RASAL2: variants seen among roughly 807,000 people sequenced by gnomAD.
RASAL2 encodes the protein RAS protein activator like 2, also known as ras GTPase-activating protein nGAP.
In RASAL2, 58 loss-of-function variants were observed where a neutral mutation model predicts 128.9. That is an observed-to-expected ratio of 0.45 (90% CI 0.36 to 0.56). The LOEUF is 0.56. Ranked by LOEUF, RASAL2 falls within the 20% of genes least tolerant of loss-of-function variation. RASAL2 has a pLI of 0.00. For missense variants in RASAL2, 1,360 were observed against 1,601.6 expected (o/e 0.85, Z 2.57); for synonymous variants, 561 against 580.8 (o/e 0.97, Z 0.49).
At chr1:178,405,074 T>A (rs1487444184) in intron 4 of RASAL2, among the ~76,000 whole-genome samples, 2 of 152,112 alleles carry the variant, frequency 1.3e-5, no homozygotes, top group African/African-American at 4.8e-5. Context: ...GTTGGCAAGG[T>A]TGTGGGAAAC....
chr1:178,440,410 A>G (rs1676555722), intron 6 of RASAL2, among the ~76,000 whole-genome samples: 1 of 152,096 alleles, frequency 6.6e-6, no homozygotes, highest in Non-Finnish European at 1.5e-5. Context: ...CATGTTCACT[A>G]TCAGAGAAAT....
chr1:178,422,090 C>T (rs980537230), intron 5 of RASAL2, among the ~76,000 whole-genome samples: 2 of 151,924 alleles, frequency 1.3e-5, no homozygotes, highest in Non-Finnish European at 2.9e-5. Context: ...ATTTCTTAAA[C>T]TCTGCAGCAT....
chr1:178,455,276 AT>A (rs1677688501), intron 12 of RASAL2, among the ~76,000 whole-genome samples: 1 of 152,222 alleles, frequency 6.6e-6, no homozygotes, highest in Non-Finnish European at 1.5e-5. Context: ...ACAAAAAGGA[AT>A]AGATTTGGTA....
chr1:178,324,826 G>A (rs1668959519), intron 3 of RASAL2, among the ~76,000 whole-genome samples: 1 of 152,022 alleles, frequency 6.6e-6, no homozygotes, highest in South Asian at 2.1e-4. Context: ...AATCAGATTG[G>A]TGGAAAATCT....
At chr1:178,203,850 A>T (rs1662954252) in intron 1 of RASAL2, among the ~76,000 whole-genome samples, 1 of 152,320 alleles carries the variant, frequency 6.6e-6, no homozygotes, top group East Asian at 1.9e-4. Context: ...ATCTCTTAGT[A>T]TTACCATACT....
At chr1:178,120,612 C>T (rs1230883116) in intron 1 of RASAL2, among the ~76,000 whole-genome samples, 1 of 152,176 alleles carries the variant, frequency 6.6e-6, no homozygotes, top group Non-Finnish European at 1.5e-5. Context: ...TTGTCACTTG[C>T]CACTTACTGA....
chr1:178,205,466 A>G (rs1663006857), intron 1 of RASAL2, among the ~76,000 whole-genome samples: 1 of 151,616 alleles, frequency 6.6e-6, no homozygotes, highest in South Asian at 2.1e-4. Context: ...TTTTAAAAAG[A>G]CTCTTATGGG....
At chr1:178,137,737 C>T (rs189037392) in intron 1 of RASAL2, among the ~76,000 whole-genome samples, 1 of 152,152 alleles carries the variant, frequency 6.6e-6, no homozygotes, top group Non-Finnish European at 1.5e-5. Context: ...CTTACTGACG[C>T]TTTCAAATGG....
At chr1:178,200,466 T>C (rs1336707786) in intron 1 of RASAL2, among the ~76,000 whole-genome samples, 1 of 152,200 alleles carries the variant, frequency 6.6e-6, no homozygotes, top group African/African-American at 2.4e-5. Context: ...TGAAGTTGGT[T>C]AGTTGCTTCT....
At chr1:178,110,558 ATAGTATATATAG>A in intron 1 of RASAL2, among the ~76,000 whole-genome samples, 1 of 145,878 alleles carries the variant, frequency 6.9e-6, no homozygotes, top group Non-Finnish European at 1.5e-5. Flanking sequence ...CAGTGTATAT[ATAGTATATATAG>A]CATATGTAGT....
intron 1 of RASAL2, among the ~76,000 whole-genome samples, chr1:178,142,860 C>A (rs1660583845): frequency 6.6e-6 from 1 of 151,906 alleles, no homozygotes; most frequent in African/African-American, 2.4e-5. Context: ...TCCGCCCAAC[C>A]AGTGAAAGTA....
chr1:178,415,207 A>G (rs772619886), intron 4 of RASAL2, among the ~76,000 whole-genome samples: 4 of 152,076 alleles, frequency 2.6e-5, no homozygotes, highest in Non-Finnish European at 5.9e-5. Flanking sequence ...TCAATGCTAT[A>G]AATTTTCCTC....
intron 1 of RASAL2, among the ~76,000 whole-genome samples, chr1:178,188,164 A>G (rs145470021): frequency 2.2e-4 from 33 of 152,224 alleles, no homozygotes; most frequent in Non-Finnish European, 4.3e-4. Flanking sequence ...TATTCAACCA[A>G]TAACTCAAGG....
intron 1 of RASAL2, among the ~76,000 whole-genome samples, chr1:178,154,266 C>T (rs988808818): frequency 6.6e-6 from 1 of 152,030 alleles, no homozygotes; most frequent in Non-Finnish European, 1.5e-5. Context: ...CCCATCTCAG[C>T]CTTCTAAGTA....
chr1:178,308,444 A>G (rs1668093890), intron 3 of RASAL2, among the ~76,000 whole-genome samples: 1 of 152,070 alleles, frequency 6.6e-6, no homozygotes, highest in Non-Finnish European at 1.5e-5. Context: ...TTAATATTAA[A>G]GTAGAATATG....
chr1:178,333,583 G>A (rs1669446971), intron 3 of RASAL2, among the ~76,000 whole-genome samples: 1 of 152,102 alleles, frequency 6.6e-6, no homozygotes, highest in Admixed American at 6.5e-5. Context: ...TGGCATAAAT[G>A]GGTTAAGACC....
At chr1:178,111,350 C>T (rs1313596989) in intron 1 of RASAL2, among the ~76,000 whole-genome samples, 1 of 152,216 alleles carries the variant, frequency 6.6e-6, no homozygotes, top group Admixed American at 6.5e-5. Context: ...CTCAAGTGAT[C>T]CTCCTGCCTT....
intron 1 of RASAL2, among the ~76,000 whole-genome samples, chr1:178,153,123 GT>G (rs1660969426): frequency 6.6e-6 from 1 of 152,002 alleles, no homozygotes; most frequent in Non-Finnish European, 1.5e-5. Context: ...TTTTTGTAAT[GT>G]TTTGTCAAAG....
At chr1:178,154,765 T>A (rs2101884491) in intron 1 of RASAL2, among the ~76,000 whole-genome samples, 1 of 152,284 alleles carries the variant, frequency 6.6e-6, no homozygotes, top group Non-Finnish European at 1.5e-5. Context: ...GGGCACATAG[T>A]GTATGCTTGT....
Sources: gnomAD v4.1 joint callset for allele counts (sites outside exome capture counted in the v4.1 genomes callset) on GRCh38, gnomAD v4.1.1 for gene constraint, MANE v1.5 for transcripts, NCBI Gene and HGNC (gene_info 2026-07-23, HGNC 2026-07-21) for gene names.